The following AGBL1 variants were observed in gnomAD, a reference collection of about 807,000 sequenced individuals.
The protein encoded by AGBL1 is AGBL carboxypeptidase 1, also known as cytosolic carboxypeptidase 4.
A neutral mutation model predicts 118.9 loss-of-function variants in AGBL1; 130 were observed. That is an observed-to-expected ratio of 1.09 (90% CI 0.95 to 1.26). The LOEUF (loss-of-function observed/expected upper bound fraction) is 1.26, where lower values mean the gene tolerates loss of function less well. AGBL1 is among the 50% of genes most tolerant of loss of function. AGBL1 has a pLI of 0.00. For synonymous variants in AGBL1, 555 were observed against 478.9 expected, an observed-to-expected ratio of 1.16 and a Z score of -2.08; for missense variants, 1,584 against 1,298.1, an observed-to-expected ratio of 1.22 and a Z score of -3.38.
At chr15:86,637,093 G>C (rs142315896) in intron 21 of AGBL1, among the ~76,000 whole-genome samples, 25 of 152,106 alleles carry the variant, frequency 1.6e-4, no homozygotes, top group South Asian at 1.5e-3. Flanking sequence ...TCATTTATTC[G>C]ATGACAGAGG....
chr15:86,711,269 T>G (rs1357595536), intron 22 of AGBL1, among the ~76,000 whole-genome samples: 1 of 152,178 alleles, frequency 6.6e-6, no homozygotes, highest in Non-Finnish European at 1.5e-5. Context: ...TTGAGGAAGT[T>G]GAAAATCTTT....
chr15:87,009,319 A>T (rs1445942154), intron 24 of AGBL1, among the ~76,000 whole-genome samples: 1 of 151,998 alleles, frequency 6.6e-6, no homozygotes, highest in African/African-American at 2.4e-5. Context: ...GAAAGCCCCA[A>T]GCCTTGGCAG....
At chr15:86,656,222 C>G (rs1455572882) in intron 21 of AGBL1, among the ~76,000 whole-genome samples, 2 of 152,166 alleles carry the variant, frequency 1.3e-5, no homozygotes. Context: ...CTACTTTCAA[C>G]CATCTTAACA....
At chr15:86,981,509 T>C (rs2081231482) in intron 23 of AGBL1, among the ~76,000 whole-genome samples, 2 of 152,240 alleles carry the variant, frequency 1.3e-5, no homozygotes, top group Non-Finnish European at 2.9e-5. Context: ...GAGTATTTTG[T>C]TCATGATCTT....
chr15:86,738,044 A>G (rs935849494), intron 22 of AGBL1, among the ~76,000 whole-genome samples: 17 of 152,186 alleles, frequency 1.1e-4, no homozygotes, highest in African/African-American at 4.1e-4. Flanking sequence ...GACCAAAACC[A>G]TATGTTCATC....
intron 18 of AGBL1, among the ~76,000 whole-genome samples, chr15:86,521,322 G>T (rs1398452886): frequency 4.6e-5 from 7 of 152,150 alleles, no homozygotes; most frequent in Admixed American, 4.6e-4. Flanking sequence ...ATCTGATTCT[G>T]CATATGAATG....
At position 86,247,883 on chromosome 15, in the gene AGBL1, G is replaced by A. The variant is rs184824180; in HGVS notation, c.735+4G>A. 5.0e-4 allele frequency: 809 copies of A among 1,613,766 alleles called. 1 individual carries two copies. In the Middle Eastern group the frequency reaches 8.2e-3, roughly 16 times the overall value. ...GATCCTCTTCAGCACCACACAGGCA[G>A]GCAGCATGGGGATTCACTCTGCAGC... On this transcript the variant is annotated splice_donor_region_variant and intron_variant, in intron 7 of 22. Transcript: ENST00000614907.
intron 18 of AGBL1, among the ~76,000 whole-genome samples, chr15:86,412,423 G>A (rs2081634576): frequency 6.6e-6 from 1 of 152,034 alleles, no homozygotes; most frequent in Non-Finnish European, 1.5e-5. Flanking sequence ...AAGTCCTTTT[G>A]GTATTTGAGT....
At chr15:86,184,818 G>T (rs1361471739) in intron 5 of AGBL1, among the ~76,000 whole-genome samples, 1 of 152,058 alleles carries the variant, frequency 6.6e-6, no homozygotes, top group African/African-American at 2.4e-5. Flanking sequence ...AAAAGAGCCC[G>T]CATTGCCAAG....
intron 17 of AGBL1, among the ~76,000 whole-genome samples, chr15:86,382,258 T>A (rs1222906429): frequency 2.6e-5 from 4 of 152,156 alleles, no homozygotes; most frequent in African/African-American, 4.8e-5. Context: ...CAGGAAGGTT[T>A]TAGGATGGCA....
At chr15:86,130,673 A>C (rs1474082126) in intron 1 of AGBL1, among the ~76,000 whole-genome samples, 1 of 152,012 alleles carries the variant, frequency 6.6e-6, no homozygotes, top group East Asian at 1.9e-4. Flanking sequence ...TTTCTTTTTC[A>C]CTGTCATGCA....
At chr15:86,320,022 G>A (rs1477837521) in intron 17 of AGBL1, among the ~76,000 whole-genome samples, 4 of 152,032 alleles carry the variant, frequency 2.6e-5, no homozygotes, top group African/African-American at 9.7e-5. Context: ...CTCCCAAAGT[G>A]CTGGGATTGC....
intron 22 of AGBL1, among the ~76,000 whole-genome samples, chr15:86,871,097 G>T (rs1306786369): frequency 1.3e-5 from 2 of 152,168 alleles, no homozygotes; most frequent in Non-Finnish European, 2.9e-5. Flanking sequence ...ACTTATCTGA[G>T]TGACTTAGCC....
chr15:86,780,826 C>G (rs1338087135), intron 22 of AGBL1, among the ~76,000 whole-genome samples: 1 of 151,876 alleles, frequency 6.6e-6, no homozygotes, highest in East Asian at 1.9e-4. Context: ...TGCCACCACA[C>G]CTGGCTAATT....
chr15:86,364,436 T>C (rs1204983329), intron 17 of AGBL1, among the ~76,000 whole-genome samples: 1 of 152,226 alleles, frequency 6.6e-6, no homozygotes, highest in Non-Finnish European at 1.5e-5. Flanking sequence ...CAGATCCTGC[T>C]ACCATTTTGG....
At position 86,159,000 on chromosome 15, in the gene AGBL1, C is replaced by A. The variant is rs1292037752; in HGVS notation, c.462C>A (p.Tyr154Ter). 2 of 1,613,370 alleles carry A rather than the reference C, an allele frequency of 1.2e-6. No individual in the cohort carries two copies. The highest frequency in any genetic ancestry group is 3.3e-5 in the Admixed American group (2 of 59,992). Reference protein sequence around the residue: ...MELLFKVITPYTRKRTQAIRA... With the variant: ...MELLFKVITP ...TGCTTTTCAAGGTTATTACTCCTTA[C>A]ACCCGAAAGCGCACCCAAGCAATCA... The change falls in exon 5 of 23, where the codon TAC becomes TAA. Residue 154 changes from tyrosine (Y) to a stop codon, truncating the protein, a stop_gained. Coordinates refer to ENST00000614907, the MANE Select transcript of AGBL1 (RefSeq NM_001386094.1). LOFTEE classifies it high-confidence loss of function.
rs143998133 is a variant in AGBL1, at chr15:86,106,028, T to C, written c.51+26005T>C. ...TTTGCTTCTAAATGTTTTGCTCCCA[T>C]GTGGTTATTTAATTCTGCAAATGGC... On this transcript the variant is annotated intron_variant, in intron 1 of 22. Coordinates refer to ENST00000614907, the MANE Select transcript of AGBL1 (RefSeq NM_001386094.1). Among the ~76,000 whole-genome samples, 176 of 152,352 alleles carry C rather than the reference T, an allele frequency of 1.2e-3. 1 individual carries two copies. The highest frequency in any genetic ancestry group is 4.1e-3 in the African/African-American group (171 of 41,586).
intron 22 of AGBL1, among the ~76,000 whole-genome samples, chr15:86,892,089 G>A (rs1433654900): frequency 6.6e-6 from 1 of 152,088 alleles, no homozygotes; most frequent in East Asian, 1.9e-4. Flanking sequence ...TAAGAGAAAA[G>A]CACTTGCTGA....
chr15:86,449,304 C>T (rs2082164921), intron 18 of AGBL1, among the ~76,000 whole-genome samples: 1 of 152,148 alleles, frequency 6.6e-6, no homozygotes, highest in African/African-American at 2.4e-5. Flanking sequence ...CATTTTTTCT[C>T]TCCCAAGCAA....
Sources: allele counts gnomAD v4.1 joint callset (sites outside exome capture counted in the v4.1 genomes callset), GRCh38; gene constraint gnomAD v4.1.1; transcripts MANE v1.5; gene names NCBI Gene and HGNC (gene_info 2026-07-23, HGNC 2026-07-21).